SGCD: variants seen among roughly 807,000 people sequenced by gnomAD.
SGCD encodes sarcoglycan delta.
SGCD carries 18 observed loss-of-function variants against 36.6 expected under a neutral mutation model. The observed-to-expected ratio is 0.49, with a 90% CI of 0.34 to 0.73. The LOEUF is 0.73. Among genes scored for constraint, SGCD ranks in the 30% least tolerant of loss-of-function variants. The pLI is 0.01. For synonymous variants in SGCD, 133 were observed against 130.6 expected (o/e 1.02, Z -0.12); for missense variants, 387 against 346.7 (o/e 1.12, Z -0.92).
chr5:155,825,899 C>A, the SGCD span, among the ~76,000 whole-genome samples: 1 of 152,016 alleles, frequency 6.6e-6, no homozygotes, highest in African/African-American at 2.4e-5. Context: ...CAGGCACCTG[C>A]CACCACACCC....
the SGCD span, among the ~76,000 whole-genome samples, chr5:155,829,134 GA>G: frequency 6.6e-6 from 1 of 151,960 alleles, no homozygotes; most frequent in South Asian, 2.1e-4. Flanking sequence ...ATCAAGAGGT[GA>G]AAAAAAGTCT....
chr5:156,068,353 A>T (rs895705453), intron 1 of SGCD, among the ~76,000 whole-genome samples: 1 of 150,480 alleles, frequency 6.6e-6, no homozygotes, highest in Non-Finnish European at 1.5e-5. Context: ...ATTCCCACTT[A>T]TGAGTGAGAA....
intron 3 of SGCD, among the ~76,000 whole-genome samples, chr5:156,236,504 C>T (rs988476134): frequency 2.0e-5 from 3 of 149,964 alleles, no homozygotes; most frequent in Admixed American, 6.7e-5. Flanking sequence ...GGCTGGAGTG[C>T]AGTGGTGCCA....
At chr5:156,691,121 C>T (rs550259471) in intron 7 of SGCD, among the ~76,000 whole-genome samples, 3 of 148,132 alleles carry the variant, frequency 2.0e-5, no homozygotes, top group East Asian at 2.0e-4. Context: ...GCAGGACAAT[C>T]GCTTGAACCT....
At chr5:156,618,987 C>T (rs1762130835) in intron 6 of SGCD, among the ~76,000 whole-genome samples, 1 of 150,960 alleles carries the variant, frequency 6.6e-6, no homozygotes, top group Non-Finnish European at 1.5e-5. Context: ...GAGTTGATGA[C>T]GTTCACTGTG....
intron 6 of SGCD, among the ~76,000 whole-genome samples, chr5:156,632,986 G>A (rs905187393): frequency 8.8e-5 from 10 of 113,326 alleles, no homozygotes; most frequent in Non-Finnish European, 9.0e-5. Context: ...ATTTATATAC[G>A]TTCAGTCAAG....
intron 7 of SGCD, among the ~76,000 whole-genome samples, chr5:156,739,183 C>T (rs1756535972): frequency 6.6e-6 from 1 of 152,004 alleles, no homozygotes; most frequent in African/African-American, 2.4e-5. Context: ...TGCAACTAGA[C>T]TGCAATAATA....
intron 1 of SGCD, among the ~76,000 whole-genome samples, chr5:156,049,241 T>C (rs1581063003): frequency 6.8e-6 from 1 of 146,374 alleles, no homozygotes; most frequent in African/African-American, 2.5e-5. Context: ...TGTAGTACAG[T>C]TTGAAGTCAG....
chr5:156,511,881 C>A (rs1372855095), intron 4 of SGCD, among the ~76,000 whole-genome samples: 2 of 152,090 alleles, frequency 1.3e-5, no homozygotes, highest in African/African-American at 2.4e-5. Context: ...GTCTATTCTG[C>A]AGAGGCAAGC....
chr5:156,591,191 G>A (rs1760711315), intron 5 of SGCD, among the ~76,000 whole-genome samples: 1 of 152,120 alleles, frequency 6.6e-6, no homozygotes, highest in African/African-American at 2.4e-5. Context: ...GTTGTGCTGG[G>A]TGCTGTACTT....
intron 1 of SGCD, among the ~76,000 whole-genome samples, chr5:155,965,668 A>G (rs1033820384): frequency 6.6e-6 from 1 of 152,050 alleles, no homozygotes; most frequent in Non-Finnish European, 1.5e-5. Context: ...TATCTACTGG[A>G]ACATCTGGAG....
chr5:155,923,205 G>A (rs145263825), intron 1 of SGCD, among the ~76,000 whole-genome samples: 143 of 150,246 alleles, frequency 9.5e-4, no homozygotes, highest in African/African-American at 3.3e-3. Context: ...TTAACTTTCT[G>A]TATGTTACAT....
At chr5:156,281,877 A>G (rs1766461299) in intron 3 of SGCD, among the ~76,000 whole-genome samples, 1 of 152,114 alleles carries the variant, frequency 6.6e-6, no homozygotes, top group Non-Finnish European at 1.5e-5. Context: ...TCATTATAGT[A>G]ACTCCAAGAG....
intron 3 of SGCD, among the ~76,000 whole-genome samples, chr5:156,410,479 A>G (rs908709275): frequency 1.3e-5 from 2 of 152,208 alleles, no homozygotes; most frequent in Non-Finnish European, 2.9e-5. Context: ...CGTGCAATAT[A>G]CCCATGTAAC....
At chr5:156,189,128 T>C (rs1278015692) in intron 3 of SGCD, among the ~76,000 whole-genome samples, 1 of 152,194 alleles carries the variant, frequency 6.6e-6, no homozygotes, top group African/African-American at 2.4e-5. Flanking sequence ...AAGAAGAGGG[T>C]TATAATTTCC....
chr5:156,571,958 T>C (rs1389908698), intron 4 of SGCD, among the ~76,000 whole-genome samples: 3 of 152,218 alleles, frequency 2.0e-5, no homozygotes. Context: ...TACTTTCTTG[T>C]GGAATTGCCT....
intron 1 of SGCD, among the ~76,000 whole-genome samples, chr5:155,973,940 G>C (rs1236593733): frequency 6.6e-6 from 1 of 152,110 alleles, no homozygotes; most frequent in East Asian, 1.9e-4. Context: ...CAATGTAGGT[G>C]CTCTTTAAAA....
chr5:155,996,472 A>G (rs562167458), intron 1 of SGCD, among the ~76,000 whole-genome samples: 50 of 152,160 alleles, frequency 3.3e-4, no homozygotes, highest in Non-Finnish European at 6.0e-4. Flanking sequence ...CTAATTTTAT[A>G]TATTTGGAAT....
chr5:155,898,277 GA>G (rs1457772467), intron 1 of SGCD, among the ~76,000 whole-genome samples: 5 of 152,204 alleles, frequency 3.3e-5, no homozygotes, highest in South Asian at 2.1e-4. Flanking sequence ...GCAACCACAT[GA>G]AAAAAATCAA....
Sources: gnomAD v4.1 joint callset for allele counts (sites outside exome capture counted in the v4.1 genomes callset) on GRCh38, gnomAD v4.1.1 for gene constraint, MANE v1.5 for transcripts, NCBI Gene and HGNC (gene_info 2026-07-23, HGNC 2026-07-21) for gene names.